Variants in POLB observed in about 807,000 individuals in gnomAD.
The protein encoded by POLB is DNA polymerase beta.
A neutral mutation model predicts 52.7 loss-of-function variants in POLB; 37 were observed. The ratio of observed to expected loss-of-function variants is 0.70; its 90% CI spans 0.54 to 0.92. The LOEUF (loss-of-function observed/expected upper bound fraction) is 0.92, where lower values mean the gene tolerates loss of function less well. Ranked by LOEUF, POLB falls within the 40% of genes least tolerant of loss-of-function variation. POLB has a pLI of 0.00. For synonymous variants in POLB, 138 were observed against 131.3 expected, an observed-to-expected ratio of 1.05 and a Z score of -0.35; for missense variants, 313 against 400.8, an observed-to-expected ratio of 0.78 and a Z score of 1.87.
intron 11 of POLB, among the ~76,000 whole-genome samples, chr8:42,367,745 A>G (rs1824131820): frequency 6.6e-6 from 1 of 152,218 alleles, no homozygotes; most frequent in Non-Finnish European, 1.5e-5. Flanking sequence ...TTGTGCAATC[A>G]TAGTCTTTAG....
In POLB at chr8:42,348,165, C is replaced by T. The variant is rs573269048; in HGVS notation, c.187-851C>T. ...GTTTGACCTAGCAATTCCACTTTGA[C>T]GTATGTTTCCTAAGGAAGGTAATAG... On this transcript the variant is annotated intron_variant, in intron 3 of 13. Transcript: ENST00000265421. Among the ~76,000 whole-genome samples the T allele has an allele frequency of 3.8e-4, 58 of 152,230 alleles. 2 individuals carry two copies. In the South Asian group the frequency reaches 8.9e-3, roughly 23 times the overall value.
intron 2 of POLB, among the ~76,000 whole-genome samples, chr8:42,344,630 C>T (rs888571709): frequency 8.6e-5 from 13 of 151,324 alleles, no homozygotes; most frequent in Non-Finnish European, 1.3e-4. Context: ...GTCAGGAGAT[C>T]GAGACCATCC....
chr8:42,349,040 G>A lies in POLB; in HGVS notation c.211G>A (p.Glu71Lys). Residue 71 changes from glutamate (E) to lysine (K), a missense_variant, in exon 4 of 14, where the codon GAA becomes AAA. Physicochemically the swap from Glu to Lys is moderately conservative, Grantham distance 56. This residue lies in a region of POLB where 13 missense variants were observed against 39.8 expected (regional missense o/e 0.33). Transcript: ENST00000265421. ...GCCTGGAGTAGGAACAAAAATTGCTGAAAAGATTGATGAGTTTTTAGCAAC... is the reference window on the plus strand; with the variant it reads ...GCCTGGAGTAGGAACAAAAATTGCTAAAAAGATTGATGAGTTTTTAGCAAC... ...KLPGVGTKIA[E>K]KIDEFLATGK... is the part of the protein sequence containing the mutation. The A allele has an allele frequency of 6.2e-7, 1 of 1,604,996 alleles. No homozygotes were observed. The highest frequency in any genetic ancestry group is 8.5e-7 in the Non-Finnish European group (1 of 1,173,026).
intron 2 of POLB, 53 bp downstream of exon 2, chr8:42,339,122 G>T: frequency 7.2e-7 from 1 of 1,384,024 alleles, no homozygotes; most frequent in Non-Finnish European, 1.0e-6. Context: ...ACCCTGTTTA[G>T]TGTGGCAATT....
At chr8:42,346,290 T>G (rs1822606866) in intron 3 of POLB, among the ~76,000 whole-genome samples, 1 of 152,206 alleles carries the variant, frequency 6.6e-6, no homozygotes, top group South Asian at 2.1e-4. Flanking sequence ...CTATTAATGT[T>G]TCACAAATGT....
At chr8:42,349,298 G>A (rs991956110) in intron 4 of POLB, 15 of 422,408 alleles carry the variant, frequency 3.6e-5, no homozygotes, top group African/African-American at 2.7e-4. Flanking sequence ...ATTAACACCC[G>A]TAATAGAGTT....
At chr8:42,351,444 T>C (rs1000775930) in intron 5 of POLB, among the ~76,000 whole-genome samples, 2 of 152,224 alleles carry the variant, frequency 1.3e-5, no homozygotes, top group Non-Finnish European at 2.9e-5. Context: ...TGTTTATATG[T>C]GTGTGTATGC....
chr8:42,342,165 T>C, intron 2 of POLB: 1 of 1,539,780 alleles, frequency 6.5e-7, no homozygotes, highest in African/African-American at 1.4e-5. Flanking sequence ...CCAAAAACTT[T>C]ATTGCCAGTG....
Position 42,371,547 on chromosome 8 carries a change from C to T in POLB, c.914-16C>T. 2 of 1,472,858 alleles carry T rather than the reference C, an allele frequency of 1.4e-6. No individual in the cohort carries two copies. The highest frequency in any genetic ancestry group is 1.7e-5 in the Admixed American group (1 of 57,438). The allele number at this position is 1,472,858 out of a possible 1,614,324, so 91.2% of individuals were successfully genotyped here. On this transcript the variant is annotated splice_polypyrimidine_tract_variant and intron_variant, in intron 13 of 13. Coordinates refer to ENST00000265421, the MANE Select transcript of POLB (RefSeq NM_002690.3). The stretch of plus-strand genomic sequence containing the variant: ...AAACTGGTTCTTACAATAAGTTTTT[C>T]TCTCTGTACTTGCAGGAGTTGCAGG...
intron 9 of POLB, among the ~76,000 whole-genome samples, chr8:42,358,313 T>C (rs1823455283): frequency 6.6e-6 from 1 of 151,888 alleles, no homozygotes; most frequent in African/African-American, 2.4e-5. Flanking sequence ...CTATCCTGGC[T>C]AACACGGTGA....
chr8:42,369,290 G>C lies in POLB; in HGVS notation c.728G>C (p.Ser243Thr). The C allele has an allele frequency of 6.3e-7, 1 of 1,587,470 alleles. No homozygotes were observed. Among genetic ancestry groups the C allele is most frequent in the Non-Finnish European group, 8.6e-7 (1 of 1,157,154 alleles). ...TKFMGVCQLPSKNDEKEYPHR... is the reference protein window; with the variant it reads ...TKFMGVCQLPTKNDEKEYPHR... ...TTTTAGGGTGTTTGCCAGCTTCCCAGTAAAAATGATGAAAAAGAATATCCA... is the reference window on the plus strand; with the variant it reads ...TTTTAGGGTGTTTGCCAGCTTCCCACTAAAAATGATGAAAAAGAATATCCA... Residue 243 changes from serine to threonine, a missense_variant, in exon 12 of 14, where the codon AGT becomes ACT. This residue lies in a region of POLB where 246 missense variants were observed against 297.6 expected (regional missense o/e 0.83). Transcript: ENST00000265421.
chr8:42,368,326 A>G (rs550620949), intron 11 of POLB, among the ~76,000 whole-genome samples: 1 of 152,336 alleles, frequency 6.6e-6, no homozygotes, highest in Admixed American at 6.5e-5. Context: ...TTGAAGGTAA[A>G]CATATTTCAT....
At chr8:42,338,706 C>T (rs760226419) in intron 1 of POLB, 21 bp downstream of exon 1, 33 of 1,610,848 alleles carry the variant, frequency 2.0e-5, no homozygotes, top group Non-Finnish European at 2.7e-5. Context: ...GGCCGGGCCC[C>T]GCTGGCTTTC....
At chr8:42,358,760 G>A (rs1454387582) in intron 9 of POLB, among the ~76,000 whole-genome samples, 1 of 152,132 alleles carries the variant, frequency 6.6e-6, no homozygotes, top group East Asian at 1.9e-4. Flanking sequence ...AAGACCTGGG[G>A]TCTGAGGCCA....
chr8:42,347,754 A>C (rs779289449), intron 3 of POLB, among the ~76,000 whole-genome samples: 1 of 152,144 alleles, frequency 6.6e-6, no homozygotes, highest in East Asian at 1.9e-4. Flanking sequence ...CTGCTTCCTA[A>C]ATCTTTTGTT....
intron 11 of POLB, among the ~76,000 whole-genome samples, chr8:42,364,255 T>A (rs1823906463): frequency 6.6e-6 from 1 of 152,004 alleles, no homozygotes; most frequent in Non-Finnish European, 1.5e-5. Flanking sequence ...TTCCTTTTTT[T>A]TTGAAACAGG....
In POLB at chr8:42,341,948, A is replaced by T. The variant is rs865784003; in HGVS notation, c.119+2879A>T. On this transcript the variant is annotated intron_variant, in intron 2 of 13. Transcript: ENST00000265421. ...AGCATGAGCTTTCATCTCCTTCATC[A>T]TGTCTGAAGTTATGCTATTCTTTAT... 9.8e-5 allele frequency: 68 copies of T among 697,328 alleles called. No individual in the cohort carries two copies. The Middle Eastern group carries it at 1.2e-3, about 13-fold the overall frequency. 43.2% of individuals were successfully genotyped at this position (697,328 alleles called of 1,614,324 possible).
At chr8:42,364,223 A>G (rs1373898827) in intron 11 of POLB, among the ~76,000 whole-genome samples, 1 of 151,500 alleles carries the variant, frequency 6.6e-6, no homozygotes, top group East Asian at 1.9e-4. Flanking sequence ...CACCGTGCCC[A>G]GCCTAGAATT....
chr8:42,351,766 C>T (rs1822988886), intron 5 of POLB, among the ~76,000 whole-genome samples: 2 of 152,308 alleles, frequency 1.3e-5, no homozygotes, highest in East Asian at 1.9e-4. Flanking sequence ...TGTGCAGTGT[C>T]CTCTAATAGC....
Sources: allele counts gnomAD v4.1 joint callset (sites outside exome capture counted in the v4.1 genomes callset), GRCh38; gene constraint gnomAD v4.1.1; regional missense constraint gnomAD v4.1.1; transcripts MANE v1.5; gene names NCBI Gene and HGNC (gene_info 2026-07-23, HGNC 2026-07-21).